Variants in GAPVD1 observed in about 807,000 individuals in gnomAD.
GAPVD1 encodes GTPase activating protein and VPS9 domains 1, also known as GTPase-activating protein and VPS9 domain-containing protein 1.
GAPVD1 carries 35 observed loss-of-function variants against 155.5 expected under a neutral mutation model. The ratio of observed to expected loss-of-function variants is 0.23; its 90% CI spans 0.17 to 0.30. GAPVD1 has a LOEUF of 0.30. GAPVD1 is among the 10% of genes least tolerant of loss of function. The pLI, the probability that GAPVD1 is intolerant of heterozygous loss-of-function variation, is 1.00. For missense variants in GAPVD1, 1,429 were observed against 1,775.7 expected, an observed-to-expected ratio of 0.80 and a Z score of 3.51; for synonymous variants, 636 against 619.7, an observed-to-expected ratio of 1.03 and a Z score of -0.39.
intron 5 of GAPVD1, 125 bp downstream of exon 5, chr9:125,302,951 T>C (rs1841135691): frequency 1.8e-6 from 2 of 1,128,262 alleles, no homozygotes; most frequent in South Asian, 3.3e-5. Flanking sequence ...TCTCAACCAG[T>C]CCTAAGTATT....
intron 9 of GAPVD1, among the ~76,000 whole-genome samples, chr9:125,317,176 G>A (rs911888517): frequency 6.6e-6 from 1 of 151,968 alleles, no homozygotes; most frequent in African/African-American, 2.4e-5. Context: ...AAATTAGCCA[G>A]GCGTGGTGGT....
intron 3 of GAPVD1, among the ~76,000 whole-genome samples, chr9:125,297,824 C>T (rs1319059016): frequency 6.6e-6 from 1 of 152,168 alleles, no homozygotes; most frequent in Non-Finnish European, 1.5e-5. Context: ...CACCTCACTG[C>T]AACCTCCGCC....
intron 9 of GAPVD1, among the ~76,000 whole-genome samples, chr9:125,317,178 C>T (rs1436178076): frequency 4.0e-5 from 6 of 151,790 alleles, no homozygotes; most frequent in Admixed American, 3.3e-4. Context: ...ATTAGCCAGG[C>T]GTGGTGGTGT....
intron 17 of GAPVD1, among the ~76,000 whole-genome samples, chr9:125,338,737 A>T (rs1000134077): frequency 1.3e-5 from 2 of 152,060 alleles, no homozygotes; most frequent in Non-Finnish European, 2.9e-5. Context: ...TACAGTGTTC[A>T]TTTGGATAAT....
At chr9:125,303,470 A>G (rs1841257532) in intron 5 of GAPVD1, among the ~76,000 whole-genome samples, 1 of 145,318 alleles carries the variant, frequency 6.9e-6, no homozygotes, top group African/African-American at 2.6e-5. Flanking sequence ...CAACTGCCCC[A>G]TATCTATTAA....
intron 25 of GAPVD1, among the ~76,000 whole-genome samples, chr9:125,357,369 A>C (rs970602529): frequency 5.9e-5 from 9 of 151,746 alleles, no homozygotes; most frequent in Non-Finnish European, 4.4e-5. Context: ...ACCTGAGGTC[A>C]GGAGTTCGAG....
At chr9:125,357,962 G>A (rs536502876) in intron 25 of GAPVD1, among the ~76,000 whole-genome samples, 5 of 151,038 alleles carry the variant, frequency 3.3e-5, no homozygotes, top group South Asian at 2.1e-4. Flanking sequence ...ACAACAGAGC[G>A]AAGCTCTGTC....
At chr9:125,294,475 T>G (rs1433523737) in intron 2 of GAPVD1, among the ~76,000 whole-genome samples, 1 of 151,002 alleles carries the variant, frequency 6.6e-6, no homozygotes, top group East Asian at 1.9e-4. Flanking sequence ...GCCTCCTGAG[T>G]AGCTGGGACT....
rs1848957888 is a variant in GAPVD1 at position 125,349,217 on chromosome 9, CT to C, written c.3170-172del. On this transcript the variant is annotated intron_variant, in intron 20 of 27. Coordinates refer to ENST00000297933, the MANE Select transcript of GAPVD1 (RefSeq NM_001282680.3). ...CTAGTCTCTTGATACATAATTGTTG[CT>C]ATTGATAATTCAGTTAAGTATTTGA... Among the ~76,000 whole-genome samples, 3 of 152,258 alleles carry C rather than the reference CT, an allele frequency of 2.0e-5. No individual in the cohort carries two copies. The South Asian group carries it at 6.2e-4, about 32-fold the overall frequency.
chr9:125,332,553 C>A lies in GAPVD1; in HGVS notation c.2352C>A (p.Asp784Glu). ...AGGATATTCCCAATAAGATTGAAGA[C>A]CTGAGATCTGAGTGCAGCTCTGATT... is the stretch of plus-strand genomic sequence containing the variant. ...TSEDIPNKIE[D>E]LRSECSSDFG... is the part of the protein sequence containing the mutation. The change falls in exon 15 of 28, where the codon GAC becomes GAA. Residue 784 changes from aspartate (D) to glutamate (E), a missense_variant. This residue lies in a region of GAPVD1 where 699 missense variants were observed against 826.0 expected (regional missense o/e 0.85). Transcript: ENST00000297933. 6.2e-7 allele frequency: 1 copy of A among 1,604,914 alleles called. No individual in the cohort carries two copies. Among genetic ancestry groups the A allele is most frequent in the Non-Finnish European group, 8.5e-7 (1 of 1,172,730 alleles).
At chr9:125,277,849 A>G (rs1256545072) in intron 2 of GAPVD1, among the ~76,000 whole-genome samples, 1 of 151,838 alleles carries the variant, frequency 6.6e-6, no homozygotes, top group Non-Finnish European at 1.5e-5. Flanking sequence ...AAATTTTTTT[A>G]TAGAAACAGA....
chr9:125,358,326 G>A lies in GAPVD1; in HGVS notation c.3972-1094G>A, dbSNP rs771078338. On this transcript the variant is annotated intron_variant, in intron 25 of 27. Coordinates refer to ENST00000297933, the MANE Select transcript of GAPVD1 (RefSeq NM_001282680.3). Reference sequence around the variant, plus strand: ...TCACCATGTTGCTCAGGCTGGCCTCGAACTCCTGACCTCAAGTGATCCACC... The same window carrying A: ...TCACCATGTTGCTCAGGCTGGCCTCAAACTCCTGACCTCAAGTGATCCACC... Among the ~76,000 whole-genome samples the A allele has an allele frequency of 7.2e-5, 11 of 152,168 alleles. No individual in the cohort carries two copies. The South Asian group carries it at 2.1e-3, about 29-fold the overall frequency.
intron 2 of GAPVD1, among the ~76,000 whole-genome samples, chr9:125,286,319 T>A (rs1017964196): frequency 6.6e-6 from 1 of 152,158 alleles, no homozygotes; most frequent in Admixed American, 6.6e-5. Context: ...TTTTATTTAT[T>A]TTTTGATAGA....
chr9:125,294,652 G>T lies in GAPVD1; in HGVS notation c.-149-806G>T, dbSNP rs919447147. Among the ~76,000 whole-genome samples, 702 of 135,108 alleles carry T rather than the reference G, an allele frequency of 5.2e-3. 8 individuals carry two copies. Among genetic ancestry groups the T allele is most frequent in the African/African-American group, 0.018 (653 of 36,740 alleles). 88.6% of individuals were successfully genotyped at this position (135,108 alleles called of 152,430 possible). A position where few individuals can be genotyped will look rare whatever the true frequency, so the allele number is the denominator to read the frequency against. ...TGAGCCACCGTACCCAGCTAAAATG[G>T]TTTTTTTTTTTTTTTTTCAAACTTT... is the stretch of plus-strand genomic sequence containing the variant. On this transcript the variant is annotated intron_variant, in intron 2 of 27. Coordinates refer to ENST00000297933, the MANE Select transcript of GAPVD1 (RefSeq NM_001282680.3).
chr9:125,301,906 T>G, intron 4 of GAPVD1, 77 bp from the exon 5 acceptor site: 12 of 1,107,798 alleles, frequency 1.1e-5, no homozygotes, highest in Non-Finnish European at 1.4e-5. Context: ...CACATATCCA[T>G]GTTTGGATAT....
At chr9:125,286,466 C>G (rs566616947) in intron 2 of GAPVD1, among the ~76,000 whole-genome samples, 4 of 151,712 alleles carry the variant, frequency 2.6e-5, no homozygotes, top group Middle Eastern at 6.8e-3. Flanking sequence ...TACAGGTTTT[C>G]AAAGTCTAGT....
Position 125,299,044 on chromosome 9 carries a change from G to A in GAPVD1, c.123G>A (p.Leu41=). ...ATGTACTTAAGACAGCTGAAAAGTT[G>A]TATCGTACAGCATGGATTGCGAAGC... The part of the protein sequence containing the change: ...NADVLKTAEK[L]YRTAWIAKQQ... Residue 41 remains leucine, a synonymous_variant, in exon 4 of 28, where the codon TTG becomes TTA. Coordinates refer to ENST00000297933, the MANE Select transcript of GAPVD1 (RefSeq NM_001282680.3). 1 of 1,612,536 alleles carries A rather than the reference G, an allele frequency of 6.2e-7. No individual in the cohort carries two copies.
At chr9:125,342,430 T>C in intron 19 of GAPVD1, 131 bp downstream of exon 19, 1 of 636,082 alleles carries the variant, frequency 1.6e-6, no homozygotes, top group East Asian at 2.6e-5. Flanking sequence ...AGTATGTTCT[T>C]CATAGCTCTG....
intron 2 of GAPVD1, among the ~76,000 whole-genome samples, chr9:125,283,820 G>A (rs1837196499): frequency 2.0e-5 from 3 of 151,964 alleles, no homozygotes; most frequent in Admixed American, 6.6e-5. Context: ...AGTCAGAGGA[G>A]TTCATTTAGA....
Sources: allele counts gnomAD v4.1 joint callset (sites outside exome capture counted in the v4.1 genomes callset), GRCh38; gene constraint gnomAD v4.1.1; regional missense constraint gnomAD v4.1.1; transcripts MANE v1.5; gene names NCBI Gene and HGNC (gene_info 2026-07-23, HGNC 2026-07-21).